Variants in PCBP3 observed in about 807,000 individuals in gnomAD.
The protein encoded by PCBP3 is poly(rC)-binding protein 3.
PCBP3 carries 25 observed loss-of-function variants against 52.7 expected under a neutral mutation model. That is an observed-to-expected ratio of 0.47 (90% CI 0.35 to 0.66). The LOEUF (loss-of-function observed/expected upper bound fraction) is 0.66. Ranked by LOEUF, PCBP3 falls within the 30% of genes least tolerant of loss-of-function variation. PCBP3 has a pLI of 0.01. For missense variants in PCBP3, 391 were observed against 490.3 expected (o/e 0.80, Z 1.91); for synonymous variants, 162 against 183.0 (o/e 0.89, Z 0.93).
chr21:45,836,545 TC>T (rs1448757777), intron 4 of PCBP3: 1 of 150,824 alleles, frequency 6.6e-6, no homozygotes, highest in Non-Finnish European at 1.5e-5. Flanking sequence ...TGGCTGCACT[TC>T]CCAGTATATT....
At chr21:45,879,245 A>T (rs2095342413) in intron 5 of PCBP3, among the ~76,000 whole-genome samples, 1 of 151,874 alleles carries the variant, frequency 6.6e-6, no homozygotes, top group Non-Finnish European at 1.5e-5. Flanking sequence ...TCAGCCTCCC[A>T]AAGTACCGGG....
chr21:45,747,420 G>A (rs979173417), intron 3 of PCBP3, among the ~76,000 whole-genome samples: 12 of 152,332 alleles, frequency 7.9e-5, no homozygotes, highest in African/African-American at 2.6e-4. Context: ...GCACCAGGCC[G>A]CGGGGTGAGC....
intron 2 of PCBP3, among the ~76,000 whole-genome samples, chr21:45,700,832 C>G (rs1316948299): frequency 6.6e-6 from 1 of 152,174 alleles, no homozygotes; most frequent in Non-Finnish European, 1.5e-5. Flanking sequence ...TCCAGCTTTC[C>G]CATCTCCTCC....
chr21:45,854,450 T>C (rs187534937), intron 5 of PCBP3, among the ~76,000 whole-genome samples: 12 of 152,196 alleles, frequency 7.9e-5, no homozygotes, highest in East Asian at 7.7e-4. Flanking sequence ...CCCAGGATCC[T>C]ACTCTCTGTC....
chr21:45,815,768 G>A (rs1481281666), intron 4 of PCBP3, among the ~76,000 whole-genome samples: 7 of 82,642 alleles, frequency 8.5e-5, no homozygotes, highest in African/African-American at 3.8e-4. Context: ...TGATGAGTGA[G>A]TGGTGAGTGA....
intron 5 of PCBP3, among the ~76,000 whole-genome samples, chr21:45,851,829 T>A (rs1317683785): frequency 6.6e-6 from 1 of 152,210 alleles, no homozygotes; most frequent in Non-Finnish European, 1.5e-5. Flanking sequence ...TAAGTGACAA[T>A]CAAAGACTTC....
At chr21:45,674,158 A>C (rs192242491) in intron 2 of PCBP3, among the ~76,000 whole-genome samples, 2 of 152,258 alleles carry the variant, frequency 1.3e-5, no homozygotes, top group African/African-American at 4.8e-5. Flanking sequence ...CTTTATTTTA[A>C]ATGTAAATCC....
chr21:45,872,885 A>ATTTGTC (rs1407718346), intron 5 of PCBP3: 1 of 152,220 alleles, frequency 6.6e-6, no homozygotes, highest in East Asian at 1.9e-4. Context: ...GAATCCCATT[A>ATTTGTC]AGATATTGTC....
chr21:45,686,098 A>G (rs1319554728), intron 2 of PCBP3, among the ~76,000 whole-genome samples: 4 of 151,964 alleles, frequency 2.6e-5, no homozygotes, highest in African/African-American at 9.7e-5. Flanking sequence ...TTGTGTTTTT[A>G]GTAGAGACAG....
At chr21:45,909,928 G>A (rs1311093418) in intron 10 of PCBP3, among the ~76,000 whole-genome samples, 7 of 83,136 alleles carry the variant, frequency 8.4e-5, no homozygotes, top group African/African-American at 1.5e-4. Flanking sequence ...GCCCAGATAT[G>A]GACCCCCCCA....
chr21:45,692,204 T>A (rs1325060887), intron 2 of PCBP3, among the ~76,000 whole-genome samples: 2 of 152,118 alleles, frequency 1.3e-5, no homozygotes, highest in African/African-American at 4.8e-5. Context: ...AACTAGAGGT[T>A]TCTAAACAGA....
At chr21:45,809,543 G>C (rs992966558) in intron 4 of PCBP3, among the ~76,000 whole-genome samples, 1 of 152,180 alleles carries the variant, frequency 6.6e-6, no homozygotes, top group Admixed American at 6.5e-5. Flanking sequence ...TGCTGCGTGG[G>C]GAGCACAATC....
rs1415570486 is a variant in PCBP3, at chr21:45,827,077, A to G, written c.-125-22884A>G. 2.6e-5 allele frequency among the ~76,000 whole-genome samples: 4 copies of G among 152,170 alleles called. No individual in the cohort carries two copies. The highest frequency in any genetic ancestry group is 5.9e-5 in the Non-Finnish European group (4 of 68,030). On this transcript the variant is annotated intron_variant, in intron 4 of 17. Transcript: ENST00000681687. The surrounding 1 kb of genome is among the most constrained non-coding windows in gnomAD (Gnocchi z 4.3). ...GGGGACATGTACTCCCAGCTGAGCCAGGCTCTCAAGAGCGCTCCCCACTCC... is the reference window on the plus strand; with the variant it reads ...GGGGACATGTACTCCCAGCTGAGCCGGGCTCTCAAGAGCGCTCCCCACTCC...
intron 2 of PCBP3, among the ~76,000 whole-genome samples, chr21:45,677,919 G>A (rs950444951): frequency 2.0e-5 from 3 of 152,138 alleles, no homozygotes; most frequent in African/African-American, 7.2e-5. Context: ...CAATGCACCC[G>A]GTCACCCAAG....
rs1483948242 is a variant in PCBP3, at chr21:45,930,805, C to G, written c.816C>G (p.His272Gln). The G allele has an allele frequency of 1.3e-6, 2 of 1,490,930 alleles. No homozygotes were observed. Among genetic ancestry groups the G allele is most frequent in the Admixed American group, 3.3e-5 (2 of 59,844 alleles). The allele number at this position is 1,490,930 out of a possible 1,614,324, so 92.4% of individuals were successfully genotyped here. The change falls in exon 15 of 18, where the codon CAC becomes CAG. Residue 272 changes from histidine to glutamine, a missense_variant. Transcript: ENST00000681687. Reference protein sequence around the residue: ...PAFPGEKLPLHSSEEAQNLMG... With the variant: ...PAFPGEKLPLQSSEEAQNLMG... ...CTCCAGGAGAAAAGCTGCCTTTACA[C>G]TCCTCCGAAGAAGCTCAAAATCTGA...
intron 9 of PCBP3, among the ~76,000 whole-genome samples, chr21:45,908,803 C>T (rs2096269405): frequency 6.6e-6 from 1 of 152,318 alleles, no homozygotes. Flanking sequence ...TGAGCCAAAC[C>T]AGGCTGCCCA....
At chr21:45,862,039 G>A (rs948594400) in intron 5 of PCBP3, among the ~76,000 whole-genome samples, 1 of 152,148 alleles carries the variant, frequency 6.6e-6, no homozygotes, top group African/African-American at 2.4e-5. Flanking sequence ...CCCCATGGTG[G>A]ATGGGATGTA....
At chr21:45,937,505 G>A (rs562010360) in intron 16 of PCBP3, among the ~76,000 whole-genome samples, 7 of 152,348 alleles carry the variant, frequency 4.6e-5, no homozygotes, top group African/African-American at 9.6e-5. Flanking sequence ...TAAGGTGTCC[G>A]ACAGTGGTCT....
intron 2 of PCBP3, among the ~76,000 whole-genome samples, chr21:45,710,676 C>G (rs1030539234): frequency 6.6e-6 from 1 of 152,180 alleles, no homozygotes; most frequent in East Asian, 1.9e-4. Flanking sequence ...TCTTTCCATA[C>G]TGTACTGTTT....
Sources: allele counts gnomAD v4.1 joint callset (sites outside exome capture counted in the v4.1 genomes callset), GRCh38; gene constraint gnomAD v4.1.1; non-coding constraint Gnocchi (gnomAD v3.1); transcripts MANE v1.5; gene names NCBI Gene and HGNC (gene_info 2026-07-23, HGNC 2026-07-21).